Variants in SNTG2 observed in about 807,000 individuals in gnomAD.
SNTG2 encodes syntrophin gamma 2.
SNTG2 carries 74 observed loss-of-function variants against 70.9 expected under a neutral mutation model. The ratio of observed to expected loss-of-function variants is 1.04; its 90% CI spans 0.86 to 1.27. SNTG2 has a LOEUF of 1.27. SNTG2 is among the 50% of genes most tolerant of loss of function. The pLI is 0.00. For missense variants in SNTG2, 717 were observed against 690.7 expected, an observed-to-expected ratio of 1.04 and a Z score of -0.43; for synonymous variants, 278 against 273.8, an observed-to-expected ratio of 1.02 and a Z score of -0.15.
At chr2:1,121,405 A>C (rs1010665728) in intron 4 of SNTG2, among the ~76,000 whole-genome samples, 61 of 152,320 alleles carry the variant, frequency 4.0e-4, no homozygotes, top group Admixed American at 9.8e-4. Context: ...GAGAACAGAA[A>C]TAAGTCAAAC....
chr2:1,197,495 A>G (rs1672984809), intron 8 of SNTG2, among the ~76,000 whole-genome samples: 1 of 117,944 alleles, frequency 8.5e-6, no homozygotes, highest in African/African-American at 2.9e-5. Flanking sequence ...ATGTGTATGT[A>G]TATATGTGTA....
chr2:1,337,303 C>T, intron 16 of SNTG2, among the ~76,000 whole-genome samples: 1 of 152,096 alleles, frequency 6.6e-6, no homozygotes, highest in East Asian at 1.9e-4. Flanking sequence ...TTTATTTCCA[C>T]CAACAAAGGA....
intron 8 of SNTG2, among the ~76,000 whole-genome samples, chr2:1,185,224 C>T (rs1672172410): frequency 6.6e-6 from 1 of 152,216 alleles, no homozygotes; most frequent in Non-Finnish European, 1.5e-5. Context: ...GGCAGCCCCA[C>T]TGCTGTGGCT....
In SNTG2 at chr2:1,151,706, C is replaced by T. The variant is rs543900417; in HGVS notation, c.412-13842C>T. 7.9e-5 allele frequency among the ~76,000 whole-genome samples: 12 copies of T among 152,272 alleles called. No homozygotes were observed. The East Asian group carries it at 1.2e-3, about 15-fold the overall frequency. ...CTGGATTTGCTGCGCGCCCTTTGCC[C>T]GTGCGTGCCGTGCTTCTCATCACTT... is the stretch of plus-strand genomic sequence containing the variant. On this transcript the variant is annotated intron_variant, in intron 6 of 16. Coordinates refer to ENST00000308624, the MANE Select transcript of SNTG2 (RefSeq NM_018968.4).
chr2:1,077,906 C>T (rs1377196331), intron 1 of SNTG2, among the ~76,000 whole-genome samples: 1 of 152,122 alleles, frequency 6.6e-6, no homozygotes, highest in Non-Finnish European at 1.5e-5. Context: ...ATACACCCTA[C>T]AGGTACCCGA....
intron 1 of SNTG2, among the ~76,000 whole-genome samples, chr2:1,003,862 A>G (rs1010661981): frequency 6.6e-6 from 1 of 152,196 alleles, no homozygotes; most frequent in South Asian, 2.1e-4. Flanking sequence ...TTCTTTGTAC[A>G]TAAACTTTTT....
intron 1 of SNTG2, among the ~76,000 whole-genome samples, chr2:1,006,411 A>AAAAAAG (rs78427237): frequency 6.6e-6 from 1 of 151,314 alleles, no homozygotes. Flanking sequence ...TCAAAAAAAA[A>AAAAAAG]AGAAAATTCT....
At chr2:1,036,416 A>G (rs1661132289) in intron 1 of SNTG2, among the ~76,000 whole-genome samples, 1 of 152,152 alleles carries the variant, frequency 6.6e-6, no homozygotes, top group Non-Finnish European at 1.5e-5. Flanking sequence ...CTTGAGTCTA[A>G]AAGTGACTCT....
rs542497512 is a variant in SNTG2 at position 1,033,564 on chromosome 2, G to T, written c.73-49954G>T. Among the ~76,000 whole-genome samples, 13 of 152,136 alleles carry T rather than the reference G, an allele frequency of 8.5e-5. No individual in the cohort carries two copies. The East Asian group carries it at 2.5e-3, about 29-fold the overall frequency. On this transcript the variant is annotated intron_variant, in intron 1 of 16. Coordinates refer to ENST00000308624, the MANE Select transcript of SNTG2 (RefSeq NM_018968.4). ...TATCATAAAGCTTACTCTTCCCAGC[G>T]TTCAGATACTTTGCTTAGTAAAATC...
chr2:1,112,965 A>T (rs538040705), intron 4 of SNTG2, among the ~76,000 whole-genome samples: 2 of 133,254 alleles, frequency 1.5e-5, no homozygotes, highest in South Asian at 5.3e-4. Context: ...ATTGAGGAGG[A>T]TTTTGTGTAC....
chr2:1,281,999 C>A (rs902095477), intron 14 of SNTG2, among the ~76,000 whole-genome samples: 1 of 152,204 alleles, frequency 6.6e-6, no homozygotes, highest in Non-Finnish European at 1.5e-5. Context: ...AATCTCCTGA[C>A]TCTGAAAATC....
Position 1,083,762 on chromosome 2 carries a change from C to T in SNTG2, c.210+107C>T, listed in dbSNP as rs531971603. The T allele has an allele frequency of 2.2e-5, 28 of 1,254,604 alleles. No individual in the cohort carries two copies. The South Asian group carries it at 2.8e-4, about 12-fold the overall frequency. 77.7% of individuals were successfully genotyped at this position (1,254,604 alleles called of 1,614,324 possible). A position where few individuals can be genotyped will look rare whatever the true frequency, so the allele number is the denominator to read the frequency against. ...TGATTGCTGAGCAAAAGCTGCTACT[C>T]GTTATTTAAATATCCCCAACTACTG... On this transcript the variant is annotated intron_variant, in intron 2 of 16. Transcript: ENST00000308624.
chr2:1,184,690 T>C lies in SNTG2; in HGVS notation c.591+11507T>C, dbSNP rs1572673335. Among the ~76,000 whole-genome samples the C allele has an allele frequency of 2.6e-5, 4 of 152,182 alleles. No individual in the cohort carries two copies. In the South Asian group the frequency reaches 6.2e-4, roughly 24 times the overall value. Reference sequence around the variant, plus strand: ...TCTTATGAGAACTCACTCACTATTATAAGAATAGCAAGAGAAAATCTGCCC... The same window carrying C: ...TCTTATGAGAACTCACTCACTATTACAAGAATAGCAAGAGAAAATCTGCCC... On this transcript the variant is annotated intron_variant, in intron 8 of 16. Coordinates refer to ENST00000308624, the MANE Select transcript of SNTG2 (RefSeq NM_018968.4).
intron 14 of SNTG2, among the ~76,000 whole-genome samples, chr2:1,272,339 C>T (rs1349044040): frequency 6.6e-6 from 1 of 150,898 alleles, no homozygotes; most frequent in African/African-American, 2.4e-5. Flanking sequence ...CAATAGGGTT[C>T]CCGCTCCTGT....
intron 1 of SNTG2, among the ~76,000 whole-genome samples, chr2:1,072,207 T>G (rs1397032001): frequency 6.6e-6 from 1 of 151,922 alleles, no homozygotes; most frequent in Non-Finnish European, 1.5e-5. Flanking sequence ...CTTTCATAGC[T>G]GGAGAGGAGA....
At chr2:1,219,619 A>C (rs1471242139) in intron 9 of SNTG2, among the ~76,000 whole-genome samples, 1 of 150,914 alleles carries the variant, frequency 6.6e-6, no homozygotes, top group Non-Finnish European at 1.5e-5. Flanking sequence ...TGTTTTAGGC[A>C]GGCCTCAAAT....
intron 16 of SNTG2, among the ~76,000 whole-genome samples, chr2:1,347,133 A>C (rs1573010852): frequency 6.6e-6 from 1 of 152,344 alleles, no homozygotes; most frequent in African/African-American, 2.4e-5. Context: ...AGGAAGGTGA[A>C]GCCCTTCTAG....
intron 14 of SNTG2, among the ~76,000 whole-genome samples, chr2:1,299,531 C>G (rs1680360550): frequency 6.6e-6 from 1 of 152,208 alleles, no homozygotes; most frequent in Admixed American, 6.5e-5. Flanking sequence ...CAGAAGATCA[C>G]TGGTCACAGG....
chr2:1,035,871 A>G (rs1016331831), intron 1 of SNTG2, among the ~76,000 whole-genome samples: 1 of 152,224 alleles, frequency 6.6e-6, no homozygotes, highest in Admixed American at 6.5e-5. Context: ...ATTTGTCTAC[A>G]TGGGAAATCT....
Sources: gnomAD v4.1 joint callset for allele counts (sites outside exome capture counted in the v4.1 genomes callset) on GRCh38, gnomAD v4.1.1 for gene constraint, MANE v1.5 for transcripts, NCBI Gene and HGNC (gene_info 2026-07-23, HGNC 2026-07-21) for gene names.